KCNMB2: variants seen among roughly 807,000 people sequenced by gnomAD.
KCNMB2 encodes the protein potassium calcium-activated channel subfamily M regulatory beta subunit 2.
In KCNMB2, 9 loss-of-function variants were observed where a neutral mutation model predicts 24.5. That is an observed-to-expected ratio of 0.37 (90% CI 0.22 to 0.64). The LOEUF is 0.64. KCNMB2 is among the 30% of genes least tolerant of loss of function. The pLI, the probability that KCNMB2 is intolerant of heterozygous loss-of-function variation, is 0.63. For missense variants in KCNMB2, 226 were observed against 284.3 expected, an observed-to-expected ratio of 0.79 and a Z score of 1.47; for synonymous variants, 109 against 104.4, an observed-to-expected ratio of 1.04 and a Z score of -0.27.
At chr3:178,839,902 C>A (rs1715366550) in intron 4 of KCNMB2, among the ~76,000 whole-genome samples, 1 of 152,194 alleles carries the variant, frequency 6.6e-6, no homozygotes, top group Admixed American at 6.5e-5. Flanking sequence ...GTCCTTTATA[C>A]ATTTCAAAAC....
chr3:178,552,501 A>G (rs1715990307), intron 1 of KCNMB2, among the ~76,000 whole-genome samples: 1 of 152,116 alleles, frequency 6.6e-6, no homozygotes, highest in African/African-American at 2.4e-5. Flanking sequence ...CCATAACTGT[A>G]TATCAATGGT....
intron 1 of KCNMB2, among the ~76,000 whole-genome samples, chr3:178,665,245 C>A (rs1483929099): frequency 1.3e-5 from 2 of 152,158 alleles, no homozygotes; most frequent in Non-Finnish European, 2.9e-5. Flanking sequence ...AGAGAAGTCA[C>A]ACTTTTAAAA....
chr3:178,607,521 A>T (rs1470612565), intron 1 of KCNMB2, among the ~76,000 whole-genome samples: 1 of 152,158 alleles, frequency 6.6e-6, no homozygotes, highest in Non-Finnish European at 1.5e-5. Context: ...TAATGTAGGC[A>T]TTGTATCTTA....
At chr3:178,673,440 CTTATT>C (rs1720972110) in intron 1 of KCNMB2, among the ~76,000 whole-genome samples, 2 of 152,170 alleles carry the variant, frequency 1.3e-5, no homozygotes, top group Admixed American at 1.3e-4. Flanking sequence ...GACCTTAATT[CTTATT>C]TTACTGAAAA....
chr3:178,740,366 C>T (rs372861858), intron 1 of KCNMB2, among the ~76,000 whole-genome samples: 7 of 152,080 alleles, frequency 4.6e-5, no homozygotes, highest in South Asian at 4.2e-4. Context: ...ATGATCTGCC[C>T]GCCTCAGCCT....
chr3:178,706,967 C>T (rs928249301), intron 1 of KCNMB2, among the ~76,000 whole-genome samples: 1 of 152,092 alleles, frequency 6.6e-6, no homozygotes, highest in Non-Finnish European at 1.5e-5. Context: ...ATGTAACAAT[C>T]CTGCACGTTC....
chr3:178,665,189 T>C (rs1024140557), intron 1 of KCNMB2, among the ~76,000 whole-genome samples: 1 of 152,124 alleles, frequency 6.6e-6, no homozygotes, highest in African/African-American at 2.4e-5. Context: ...GATCAACCTT[T>C]AAGGTTCCAC....
At chr3:178,540,200 C>G (rs1715570439) in intron 1 of KCNMB2, among the ~76,000 whole-genome samples, 3 of 152,188 alleles carry the variant, frequency 2.0e-5, no homozygotes, top group Admixed American at 1.3e-4. Flanking sequence ...GTGATCCTCT[C>G]TTTCTTTTGC....
In KCNMB2 at chr3:178,759,770, AAGAGGATATAT is replaced by A. The variant is rs1218655945; in HGVS notation, c.-67-47572_-67-47562del. 6.0e-4 allele frequency among the ~76,000 whole-genome samples: 24 copies of A among 39,934 alleles called. 3 individuals carry two copies. Among genetic ancestry groups the A allele is most frequent in the African/African-American group, 2.3e-3 (18 of 7,838 alleles). 26.2% of individuals were successfully genotyped at this position (39,934 alleles called of 152,430 possible). ...AGGATATATCTATATATATATATCC[AAGAGGATATAT>A]CTATATATATATATATCCAAGAGGA... On this transcript the variant is annotated intron_variant, in intron 1 of 4. Transcript: ENST00000452583.
rs189079267 is a variant in KCNMB2 at position 178,687,252 on chromosome 3, G to A, written c.-67-120091G>A. 2.8e-3 allele frequency among the ~76,000 whole-genome samples: 431 copies of A among 152,174 alleles called. 1 individual carries two copies. The highest frequency in any genetic ancestry group is 1.0e-2 in the African/African-American group (415 of 41,536). ...AGCTGACCCTGATTTACTTTCACAT[G>A]ACTGGAATGAACTGCATGAACAATT... On this transcript the variant is annotated intron_variant, in intron 1 of 4. Transcript: ENST00000452583.
chr3:178,565,859 T>G (rs1229057532), intron 1 of KCNMB2, among the ~76,000 whole-genome samples: 1 of 152,186 alleles, frequency 6.6e-6, no homozygotes, highest in Non-Finnish European at 1.5e-5. Flanking sequence ...CACTACAATA[T>G]TTAATAACAC....
chr3:178,674,224 C>T (rs1444315337), intron 1 of KCNMB2, among the ~76,000 whole-genome samples: 1 of 152,016 alleles, frequency 6.6e-6, no homozygotes, highest in African/African-American at 2.4e-5. Context: ...CTTGGATGAC[C>T]TTATCTAGTG....
intron 1 of KCNMB2, among the ~76,000 whole-genome samples, chr3:178,693,264 T>C (rs1055716892): frequency 2.6e-5 from 4 of 152,216 alleles, no homozygotes; most frequent in Non-Finnish European, 5.9e-5. Flanking sequence ...CTGATTGTCC[T>C]GGCCAGGATG....
chr3:178,566,794 A>T (rs1354066483), intron 1 of KCNMB2, among the ~76,000 whole-genome samples: 1 of 152,246 alleles, frequency 6.6e-6, no homozygotes, highest in Non-Finnish European at 1.5e-5. Flanking sequence ...ATACATTTAC[A>T]GTGCACACTT....
At chr3:178,707,503 C>T (rs565548715) in intron 1 of KCNMB2, among the ~76,000 whole-genome samples, 2 of 152,196 alleles carry the variant, frequency 1.3e-5, no homozygotes, top group South Asian at 2.1e-4. Flanking sequence ...GTGCCAATTT[C>T]GCAGTAAAGA....
chr3:178,675,032 G>A (rs937429916), intron 1 of KCNMB2, among the ~76,000 whole-genome samples: 10 of 152,056 alleles, frequency 6.6e-5, no homozygotes, highest in Non-Finnish European at 8.8e-5. Context: ...TAAAATAGAC[G>A]GCAAGCTTCA....
rs750828534 is a variant in KCNMB2 at position 178,828,225 on chromosome 3, C to T, written c.275C>T (p.Thr92Met). ...SQCTLLNASI[T>M]ETFNCSFSCG... Reference sequence around the variant, plus strand: ...TGCACCTTGCTGAATGCGTCCATCACGGAAACATTTAATTGCTCCTTCAGC... The same window carrying T: ...TGCACCTTGCTGAATGCGTCCATCATGGAAACATTTAATTGCTCCTTCAGC... Residue 92 changes from threonine (T) to methionine (M), a missense_variant, in exon 4 of 5, where the codon ACG becomes ATG. Transcript: ENST00000452583. 37 of 1,613,840 alleles carry T rather than the reference C, an allele frequency of 2.3e-5. No individual in the cohort carries two copies. The highest frequency in any genetic ancestry group is 1.8e-4 in the South Asian group (16 of 91,080).
intron 1 of KCNMB2, among the ~76,000 whole-genome samples, chr3:178,707,444 G>A (rs192682495): frequency 6.6e-6 from 1 of 152,238 alleles, no homozygotes; most frequent in African/African-American, 2.4e-5. Flanking sequence ...GCTCTTGGCA[G>A]GGGTAGAGAT....
At chr3:178,638,689 A>G (rs187476416) in intron 1 of KCNMB2, among the ~76,000 whole-genome samples, 1 of 152,326 alleles carries the variant, frequency 6.6e-6, no homozygotes, top group East Asian at 1.9e-4. Flanking sequence ...ATTGAGGTTG[A>G]AGTCTCATCA....
Sources: gnomAD v4.1 joint callset for allele counts (sites outside exome capture counted in the v4.1 genomes callset) on GRCh38, gnomAD v4.1.1 for gene constraint, MANE v1.5 for transcripts, NCBI Gene and HGNC (gene_info 2026-07-23, HGNC 2026-07-21) for gene names.